Variants in BAZ2B observed in about 807,000 individuals in gnomAD.
BAZ2B encodes bromodomain adjacent to zinc finger domain protein 2B.
BAZ2B carries 91 observed loss-of-function variants against 246.0 expected under a neutral mutation model. The observed-to-expected ratio is 0.37, with a 90% CI of 0.31 to 0.44. The LOEUF (loss-of-function observed/expected upper bound fraction) is 0.44. BAZ2B is among the 20% of genes least tolerant of loss of function. The pLI is 1.00. For synonymous variants in BAZ2B, 855 were observed against 860.0 expected (o/e 0.99, Z 0.10); for missense variants, 2,332 against 2,533.7 (o/e 0.92, Z 1.71).
intron 6 of BAZ2B, among the ~76,000 whole-genome samples, chr2:159,442,475 T>C (rs2073591255): frequency 6.6e-6 from 1 of 152,196 alleles, no homozygotes; most frequent in East Asian, 1.9e-4. Context: ...GTGATGACAT[T>C]TGATGTATAC....
the BAZ2B span, among the ~76,000 whole-genome samples, chr2:159,675,920 C>T: frequency 3.4e-5 from 5 of 148,922 alleles, no homozygotes; most frequent in African/African-American, 7.4e-5. Context: ...TTTTTTGAGA[C>T]GGAGTCTCAC....
chr2:159,355,943 G>A (rs1400626123), intron 27 of BAZ2B, among the ~76,000 whole-genome samples: 1 of 152,224 alleles, frequency 6.6e-6, no homozygotes, highest in African/African-American at 2.4e-5. Context: ...TGTGAAGAAT[G>A]GTGCACCCTG....
intron 2 of BAZ2B, among the ~76,000 whole-genome samples, chr2:159,524,967 C>A (rs1423335696): frequency 6.6e-6 from 1 of 152,034 alleles, no homozygotes; most frequent in African/African-American, 2.4e-5. Flanking sequence ...AGGAGGAGTT[C>A]TTGAGCCCAG....
intron 1 of BAZ2B, among the ~76,000 whole-genome samples, chr2:159,565,647 C>T (rs1043900595): frequency 2.3e-4 from 35 of 151,990 alleles, no homozygotes; most frequent in Middle Eastern, 6.8e-3. Flanking sequence ...TGTTGTTGCG[C>T]GCCCCTGTAG....
chr2:159,348,964 T>A (rs1277871732), intron 29 of BAZ2B, 43 bp downstream of exon 29: 1 of 1,598,038 alleles, frequency 6.3e-7, no homozygotes, highest in African/African-American at 1.3e-5. Flanking sequence ...ATCCATAATA[T>A]TGAAATTGAG....
intron 8 of BAZ2B, chr2:159,438,101 G>T: frequency 1.9e-6 from 1 of 524,018 alleles, no homozygotes; most frequent in Non-Finnish European, 3.3e-6. Context: ...TGATTGCATT[G>T]CCAAAAATAC....
At chr2:159,337,144 T>A (rs2065815477) in intron 32 of BAZ2B, 67 bp from the exon 33 acceptor site, 7 of 1,527,542 alleles carry the variant, frequency 4.6e-6, no homozygotes, top group Non-Finnish European at 6.2e-6. Context: ...TGTGAAACAA[T>A]CATCACACTG....
intron 1 of BAZ2B, among the ~76,000 whole-genome samples, chr2:159,587,423 T>C (rs948221500): frequency 2.0e-5 from 3 of 152,164 alleles, no homozygotes; most frequent in African/African-American, 7.2e-5. Flanking sequence ...TCCAATGTTA[T>C]TTGCTAGCAC....
intron 2 of BAZ2B, among the ~76,000 whole-genome samples, chr2:159,487,036 C>T (rs1415316296): frequency 6.6e-6 from 1 of 152,064 alleles, no homozygotes; most frequent in Non-Finnish European, 1.5e-5. Context: ...TACTTCTAGG[C>T]AATGGGGAAA....
chr2:159,712,384 T>C, the BAZ2B span: 6 of 151,984 alleles, frequency 3.9e-5, no homozygotes, highest in Non-Finnish European at 5.9e-5. Context: ...CACCCCGCGG[T>C]GGGGTACCTC....
chr2:159,680,102 A>G, the BAZ2B span, among the ~76,000 whole-genome samples: 5 of 152,238 alleles, frequency 3.3e-5, no homozygotes, highest in African/African-American at 1.2e-4. Context: ...GTGATGTTTT[A>G]CAAGACTGAG....
intron 19 of BAZ2B, 32 bp downstream of exon 19, chr2:159,397,313 T>C (rs1221277337): frequency 6.9e-7 from 1 of 1,452,260 alleles, no homozygotes; most frequent in East Asian, 2.3e-5. Flanking sequence ...AAAATGTACA[T>C]TCAACAATTG....
In BAZ2B at chr2:159,412,442, C is replaced by T. The variant is rs146656737; in HGVS notation, c.2570G>A (p.Arg857Lys). The T allele has an allele frequency of 6.2e-7, 1 of 1,614,158 alleles. No homozygotes were observed. The highest frequency in any genetic ancestry group is 2.2e-5 in the East Asian group (1 of 44,870). ...CCGACGTCTCATCCTGGATTCCTCT[C>T]TTGCTCGTTGTCTATCTGGATTTGG... ...RPPNPDRQRA[R>K]EESRMRRRKG... is the part of the protein sequence containing the mutation. The change falls in exon 14 of 37, where the codon AGA (arginine) becomes AAA (lysine). Residue 857 changes from arginine to lysine, a missense_variant. Physicochemically the swap from Arg to Lys is conservative, Grantham distance 26. Transcript: ENST00000392783.
the BAZ2B span, among the ~76,000 whole-genome samples, chr2:159,672,691 T>C: frequency 6.6e-6 from 1 of 152,126 alleles, no homozygotes; most frequent in South Asian, 2.1e-4. Flanking sequence ...AAGAATAAGA[T>C]TCTAAAAACT....
chr2:159,613,139 T>C (rs1695050329), intron 1 of BAZ2B, among the ~76,000 whole-genome samples: 1 of 152,114 alleles, frequency 6.6e-6, no homozygotes, highest in African/African-American at 2.4e-5. Flanking sequence ...ATCAGTATCA[T>C]AATGTTATGT....
Position 159,332,591 on chromosome 2 carries a change from C to T in BAZ2B, c.5892G>A (p.Lys1964=). ...AGTCTCCATCTGGGATTGTTGTAAT[C>T]TTGGGTCTATGGCAGTAGGTATGAC... The part of the protein sequence containing the change: ...KGCHTYCHRP[K]ITTIPDGDWF... The change falls in exon 34 of 37, where the codon AAG becomes AAA. Residue 1964 remains lysine, a synonymous_variant. Coordinates refer to ENST00000392783, the MANE Select transcript of BAZ2B (RefSeq NM_013450.4). The T allele has an allele frequency of 1.2e-6, 2 of 1,614,118 alleles. No homozygotes were observed. The highest frequency in any genetic ancestry group is 2.2e-5 in the East Asian group (1 of 44,880).
At chr2:159,546,358 T>A (rs2087348768) in intron 2 of BAZ2B, among the ~76,000 whole-genome samples, 1 of 151,656 alleles carries the variant, frequency 6.6e-6, no homozygotes, top group Non-Finnish European at 1.5e-5. Context: ...ACCATCCATG[T>A]GAGACGTGAC....
chr2:159,530,880 G>A (rs985170491), intron 2 of BAZ2B, among the ~76,000 whole-genome samples: 3 of 152,124 alleles, frequency 2.0e-5, no homozygotes, highest in Non-Finnish European at 2.9e-5. Flanking sequence ...TGAGGCAGGA[G>A]AATCACTTGA....
At chr2:159,507,915 G>A (rs2082499549) in intron 2 of BAZ2B, among the ~76,000 whole-genome samples, 1 of 152,120 alleles carries the variant, frequency 6.6e-6, no homozygotes, top group South Asian at 2.1e-4. Flanking sequence ...CTGTCGCCCA[G>A]GCTGGAGTGC....
Sources: gnomAD v4.1 joint callset for allele counts (sites outside exome capture counted in the v4.1 genomes callset) on GRCh38, gnomAD v4.1.1 for gene constraint, MANE v1.5 for transcripts, NCBI Gene and HGNC (gene_info 2026-07-23, HGNC 2026-07-21) for gene names.